RPS6KC1: variants seen among roughly 807,000 people sequenced by gnomAD.
RPS6KC1 encodes the protein inactive ribosomal protein S6 kinase delta-1.
In RPS6KC1, 54 loss-of-function variants were observed where a neutral mutation model predicts 103.8. That is an observed-to-expected ratio of 0.52 (90% CI 0.42 to 0.65). The LOEUF is 0.65. Among genes scored for constraint, RPS6KC1 ranks in the 30% least tolerant of loss-of-function variants. RPS6KC1 has a pLI of 0.00. For missense variants in RPS6KC1, 1,151 were observed against 1,253.8 expected, an observed-to-expected ratio of 0.92 and a Z score of 1.24; for synonymous variants, 439 against 438.7, an observed-to-expected ratio of 1.00 and a Z score of -0.01.
At chr1:213,145,558 C>G (rs2087655516) in intron 6 of RPS6KC1, among the ~76,000 whole-genome samples, 2 of 152,046 alleles carry the variant, frequency 1.3e-5, no homozygotes, top group Non-Finnish European at 2.9e-5. Context: ...AGACACAATT[C>G]TGGTTGCTCA....
chr1:213,517,412 G>C, the RPS6KC1 span, among the ~76,000 whole-genome samples: 1 of 152,176 alleles, frequency 6.6e-6, no homozygotes, highest in South Asian at 2.1e-4. Context: ...GTGTCCCAGA[G>C]ATTCTGGTAT....
the RPS6KC1 span, among the ~76,000 whole-genome samples, chr1:213,859,194 T>A: frequency 6.6e-6 from 1 of 152,156 alleles, no homozygotes; most frequent in Non-Finnish European, 1.5e-5. Flanking sequence ...AGAGAGAATC[T>A]CACAAGAAAG....
chr1:213,476,438 G>T, the RPS6KC1 span, among the ~76,000 whole-genome samples: 1 of 152,202 alleles, frequency 6.6e-6, no homozygotes, highest in Admixed American at 6.5e-5. Flanking sequence ...GAAACACTCT[G>T]AGTGAATGGT....
chr1:213,184,970 G>A (rs1405375336), intron 8 of RPS6KC1, among the ~76,000 whole-genome samples: 1 of 152,132 alleles, frequency 6.6e-6, no homozygotes, highest in Non-Finnish European at 1.5e-5. Flanking sequence ...TAACTGTTGG[G>A]TGAAATATTC....
intron 3 of RPS6KC1, among the ~76,000 whole-genome samples, chr1:213,082,596 T>G (rs953980717): frequency 2.6e-5 from 4 of 152,170 alleles, no homozygotes; most frequent in African/African-American, 9.7e-5. Flanking sequence ...TTGCCTACAG[T>G]TATGTGGAAA....
the RPS6KC1 span, among the ~76,000 whole-genome samples, chr1:213,636,421 T>C: frequency 3.3e-5 from 5 of 152,182 alleles, no homozygotes; most frequent in African/African-American, 4.8e-5. Context: ...ACAGTATATA[T>C]AGACCAATGG....
the RPS6KC1 span, among the ~76,000 whole-genome samples, chr1:213,521,723 T>G: frequency 6.6e-6 from 1 of 152,214 alleles, no homozygotes; most frequent in Non-Finnish European, 1.5e-5. Context: ...AGATTTCATT[T>G]CAGGAAACCA....
At chr1:213,163,910 T>G (rs1348212128) in intron 6 of RPS6KC1, among the ~76,000 whole-genome samples, 1 of 152,244 alleles carries the variant, frequency 6.6e-6, no homozygotes, top group Non-Finnish European at 1.5e-5. Context: ...TTCTTATGTT[T>G]ATTTCTCTGT....
chr1:213,840,847 G>A, the RPS6KC1 span: 1 of 152,164 alleles, frequency 6.6e-6, no homozygotes, highest in Admixed American at 6.5e-5. Context: ...AGAGTTCAGG[G>A]AGAGGTGAGA....
the RPS6KC1 span, among the ~76,000 whole-genome samples, chr1:213,401,055 C>G: frequency 1.3e-5 from 2 of 152,134 alleles, no homozygotes; most frequent in South Asian, 2.1e-4. Context: ...ACTTAACAGA[C>G]AGCCTGAGAT....
At chr1:213,098,993 A>G (rs1558312996) in intron 3 of RPS6KC1, among the ~76,000 whole-genome samples, 1 of 152,204 alleles carries the variant, frequency 6.6e-6, no homozygotes, top group Non-Finnish European at 1.5e-5. Flanking sequence ...TCACAGGAAA[A>G]TAAACATTGG....
the RPS6KC1 span, among the ~76,000 whole-genome samples, chr1:213,696,485 A>G: frequency 7.2e-6 from 1 of 138,396 alleles, no homozygotes; most frequent in Non-Finnish European, 1.5e-5. Context: ...CTGGGCAATG[A>G]GAGTGAAACT....
chr1:213,629,176 A>T, the RPS6KC1 span, among the ~76,000 whole-genome samples: 1 of 152,122 alleles, frequency 6.6e-6, no homozygotes, highest in African/African-American at 2.4e-5. Context: ...TAATGTTGAC[A>T]GTGGGGTGTT....
chr1:213,668,617 C>T, the RPS6KC1 span, among the ~76,000 whole-genome samples: 4 of 152,080 alleles, frequency 2.6e-5, no homozygotes, highest in Non-Finnish European at 5.9e-5. Context: ...ACATTAGCCC[C>T]TAACAAGAGA....
the RPS6KC1 span, among the ~76,000 whole-genome samples, chr1:213,816,523 G>A: frequency 6.6e-6 from 1 of 152,146 alleles, no homozygotes; most frequent in Non-Finnish European, 1.5e-5. Context: ...TTTCAGCCCA[G>A]GTTACAATCC....
At chr1:213,606,974 C>CT in the RPS6KC1 span, among the ~76,000 whole-genome samples, 1 of 152,188 alleles carries the variant, frequency 6.6e-6, no homozygotes, top group Non-Finnish European at 1.5e-5. Context: ...GATGAGGAAA[C>CT]TAAGGGCAGG....
At chr1:213,440,318 A>C in the RPS6KC1 span, among the ~76,000 whole-genome samples, 1 of 152,180 alleles carries the variant, frequency 6.6e-6, no homozygotes, top group African/African-American at 2.4e-5. Context: ...AGTCACAACC[A>C]AATGATGTAA....
chr1:213,734,407 T>C, the RPS6KC1 span, among the ~76,000 whole-genome samples: 4 of 151,770 alleles, frequency 2.6e-5, no homozygotes, highest in African/African-American at 9.7e-5. Context: ...CATGTTTTAT[T>C]CTTAGCTTTT....
intron 10 of RPS6KC1, 71 bp downstream of exon 10, chr1:213,232,326 A>G: frequency 6.4e-7 from 1 of 1,567,004 alleles, no homozygotes; most frequent in East Asian, 2.2e-5. Flanking sequence ...TCTCTCTGTC[A>G]TTTCATGAGC....
Sources: allele counts gnomAD v4.1 joint callset (sites outside exome capture counted in the v4.1 genomes callset), GRCh38; gene constraint gnomAD v4.1.1; transcripts MANE v1.5; gene names NCBI Gene and HGNC (gene_info 2026-07-23, HGNC 2026-07-21).